UGGT2: variants seen among roughly 807,000 people sequenced by gnomAD.
The protein encoded by UGGT2 is UDP-glucose glycoprotein glucosyltransferase 2, also known as UDP-glucose:glycoprotein glucosyltransferase 2.
In UGGT2, 180 loss-of-function variants were observed where a neutral mutation model predicts 192.1. The ratio of observed to expected loss-of-function variants is 0.94; its 90% confidence interval spans 0.83 to 1.06. The LOEUF is 1.06. Ranked by LOEUF, UGGT2 falls within the 50% of genes least tolerant of loss-of-function variation. The pLI is 0.00. For synonymous variants in UGGT2, 580 were observed against 591.0 expected, an observed-to-expected ratio of 0.98 and a Z score of 0.27; for missense variants, 1,849 against 1,795.7, an observed-to-expected ratio of 1.03 and a Z score of -0.54.
chr13:96,033,456 G>A (rs903841470), intron 1 of UGGT2, among the ~76,000 whole-genome samples: 3 of 152,054 alleles, frequency 2.0e-5, no homozygotes, highest in Non-Finnish European at 1.5e-5. Flanking sequence ...GCTTTTGGGG[G>A]CTGAAGGCAG....
At chr13:96,012,641 A>C (rs1354687581) in intron 5 of UGGT2, among the ~76,000 whole-genome samples, 1 of 152,076 alleles carries the variant, frequency 6.6e-6, no homozygotes, top group Non-Finnish European at 1.5e-5. Flanking sequence ...TTAGTATATA[A>C]ATCTTAATAA....
At chr13:95,822,607 C>T (rs1253301761) in intron 38 of UGGT2, among the ~76,000 whole-genome samples, 1 of 151,996 alleles carries the variant, frequency 6.6e-6, no homozygotes, top group Non-Finnish European at 1.5e-5. Flanking sequence ...TAAAGGTGTT[C>T]ATAGTGGTCT....
chr13:95,857,229 CAAAAT>C (rs924911767), intron 33 of UGGT2, among the ~76,000 whole-genome samples: 13 of 151,490 alleles, frequency 8.6e-5, no homozygotes, highest in South Asian at 4.2e-4. Context: ...GTTTTGGTTT[CAAAAT>C]AAAATAAAAT....
intron 36 of UGGT2, among the ~76,000 whole-genome samples, chr13:95,849,236 TA>T (rs34084142): frequency 5.3e-5 from 8 of 152,002 alleles, no homozygotes; most frequent in East Asian, 1.9e-4. Context: ...TTAATATACT[TA>T]AAAAAAATTT....
Position 96,013,010 on chromosome 13 carries a change from T to C in UGGT2, c.660+297A>G, listed in dbSNP as rs7322892. On this transcript the variant is annotated intron_variant, in intron 5 of 38. Transcript: ENST00000376747. ...TGTATATATTAGTATGTTGAGTAAATCAGATTTCTTAATTGCAAATTCTTA... is the reference window on the plus strand; with the variant it reads ...TGTATATATTAGTATGTTGAGTAAACCAGATTTCTTAATTGCAAATTCTTA... 9.4e-4 allele frequency among the ~76,000 whole-genome samples: 143 copies of C among 152,010 alleles called. 1 individual carries two copies. The highest frequency in any genetic ancestry group is 3.3e-3 in the African/African-American group (136 of 41,482).
intron 36 of UGGT2, among the ~76,000 whole-genome samples, chr13:95,852,911 G>C (rs1889191938): frequency 6.6e-6 from 1 of 152,096 alleles, no homozygotes; most frequent in Non-Finnish European, 1.5e-5. Context: ...AAAAAAGAGG[G>C]TGATATGGTT....
At chr13:95,908,987 A>G (rs1292862687) in intron 20 of UGGT2, among the ~76,000 whole-genome samples, 1 of 147,678 alleles carries the variant, frequency 6.8e-6, no homozygotes, top group African/African-American at 2.5e-5. Flanking sequence ...TTTTGTTGCC[A>G]TTGCTTTTGG....
chr13:95,959,295 C>A (rs1256692457), intron 12 of UGGT2, among the ~76,000 whole-genome samples: 13 of 152,108 alleles, frequency 8.5e-5, no homozygotes, highest in Admixed American at 7.9e-4. Flanking sequence ...AAAGCATGCC[C>A]CAGCCACCTG....
chr13:95,955,734 C>A (rs977717430), intron 12 of UGGT2, among the ~76,000 whole-genome samples: 3 of 152,132 alleles, frequency 2.0e-5, no homozygotes, highest in Admixed American at 6.5e-5. Context: ...TTTCAAAGCG[C>A]TCAAACAGGG....
chr13:95,979,332 T>C (rs376818958), intron 10 of UGGT2, among the ~76,000 whole-genome samples: 3 of 152,100 alleles, frequency 2.0e-5, no homozygotes, highest in Non-Finnish European at 4.4e-5. Flanking sequence ...AGCATAGTCA[T>C]AGTTTTTGAA....
chr13:95,817,205 A>C lies in UGGT2; in HGVS notation c.4529-15393T>G, dbSNP rs534024002. Among the ~76,000 whole-genome samples the C allele has an allele frequency of 5.3e-5, 8 of 152,350 alleles. 1 individual carries two copies. The South Asian group carries it at 1.4e-3, about 28-fold the overall frequency. ...TAAAGATTAATAAAAACAAAAAATC[A>C]AAGTGTAACATAAGATCATAAACAT... On this transcript the variant is annotated intron_variant, in intron 38 of 38. Coordinates refer to ENST00000376747, the MANE Select transcript of UGGT2 (RefSeq NM_020121.4).
intron 20 of UGGT2, among the ~76,000 whole-genome samples, chr13:95,922,404 C>T (rs1441488237): frequency 6.6e-6 from 1 of 152,144 alleles, no homozygotes; most frequent in Non-Finnish European, 1.5e-5. Context: ...CCAGCCTCAG[C>T]ATCACACAAT....
intron 30 of UGGT2, among the ~76,000 whole-genome samples, chr13:95,866,170 A>G (rs753469126): frequency 1.3e-5 from 2 of 152,134 alleles, no homozygotes; most frequent in Non-Finnish European, 2.9e-5. Context: ...GCTATCTACT[A>G]TTAATTTTGG....
chr13:95,942,729 TCTC>T (rs1159867848), intron 15 of UGGT2, among the ~76,000 whole-genome samples: 4 of 152,178 alleles, frequency 2.6e-5, no homozygotes, highest in South Asian at 2.1e-4. Context: ...TGTAAATACT[TCTC>T]CTGCTTATAA....
intron 10 of UGGT2, among the ~76,000 whole-genome samples, chr13:95,979,575 T>C (rs1290667195): frequency 1.1e-5 from 1 of 92,072 alleles, no homozygotes; most frequent in African/African-American, 3.5e-5. Context: ...CAGACTTGCT[T>C]ACAGAATGCC....
chr13:95,874,278 T>C (rs1455368465), intron 29 of UGGT2, among the ~76,000 whole-genome samples: 1 of 152,174 alleles, frequency 6.6e-6, no homozygotes, highest in Non-Finnish European at 1.5e-5. Flanking sequence ...AAACCATGGA[T>C]AGTACCGAAC....
chr13:96,019,034 C>G (rs1229301758), intron 4 of UGGT2, among the ~76,000 whole-genome samples: 1 of 138,962 alleles, frequency 7.2e-6, no homozygotes, highest in Non-Finnish European at 1.5e-5. Flanking sequence ...AAACCATTGA[C>G]CAATATTGAT....
At chr13:95,831,199 C>A (rs144642212) in intron 38 of UGGT2, among the ~76,000 whole-genome samples, 6,912 of 152,120 alleles carry the variant, frequency 0.045, 303 homozygotes, top group East Asian at 0.14. Context: ...GTGGGTGCAG[C>A]ACACCAACAT....
chr13:95,861,337 T>C (rs759435303), intron 31 of UGGT2, among the ~76,000 whole-genome samples: 8 of 152,082 alleles, frequency 5.3e-5, no homozygotes, highest in Non-Finnish European at 8.8e-5. Context: ...GGCTAAAATA[T>C]TTTTAAACCA....
Sources: gnomAD v4.1 joint callset for allele counts (sites outside exome capture counted in the v4.1 genomes callset) on GRCh38, gnomAD v4.1.1 for gene constraint, MANE v1.5 for transcripts, NCBI Gene and HGNC (gene_info 2026-07-23, HGNC 2026-07-21) for gene names.